ERICH3: variants seen among roughly 807,000 people sequenced by gnomAD.
The protein encoded by ERICH3 is glutamate-rich protein 3.
In ERICH3, 126 loss-of-function variants were observed where a neutral mutation model predicts 131.1. That is an observed-to-expected ratio of 0.96 (90% CI 0.83 to 1.11). The LOEUF (loss-of-function observed/expected upper bound fraction) is 1.11. Among genes scored for constraint, ERICH3 ranks in the 50% most tolerant of loss-of-function variants. The pLI, the probability that ERICH3 is intolerant of heterozygous loss-of-function variation, is 0.00. For synonymous variants in ERICH3, 695 were observed against 644.6 expected (o/e 1.08, Z -1.18); for missense variants, 2,050 against 1,810.7 (o/e 1.13, Z -2.40).
chr1:74,575,971 T>A (rs980573441), intron 13 of ERICH3, among the ~76,000 whole-genome samples: 4 of 152,160 alleles, frequency 2.6e-5, no homozygotes, highest in African/African-American at 7.2e-5. Context: ...ATATTTAATA[T>A]AAGAGAGCAA....
chr1:74,631,979 C>T, intron 6 of ERICH3, 51 bp from the exon 7 acceptor site: 1 of 1,489,532 alleles, frequency 6.7e-7, no homozygotes. Context: ...ATCAGTGACT[C>T]AATGTAACCC....
intron 1 of ERICH3, among the ~76,000 whole-genome samples, 196 bp from the exon 2 acceptor site, chr1:74,649,511 T>G (rs1570907517): frequency 6.6e-6 from 1 of 152,256 alleles, no homozygotes; most frequent in Non-Finnish European, 1.5e-5. Context: ...AAAATCGTCC[T>G]GATTTTAATT....
intron 1 of ERICH3, among the ~76,000 whole-genome samples, chr1:74,659,632 G>C (rs1186602075): frequency 6.6e-6 from 1 of 152,186 alleles, no homozygotes; most frequent in Admixed American, 6.5e-5. Flanking sequence ...GTGAAGTATA[G>C]TGTGCTACAA....
At chr1:74,583,067 T>A (rs942944267) in intron 12 of ERICH3, among the ~76,000 whole-genome samples, 1 of 152,194 alleles carries the variant, frequency 6.6e-6, no homozygotes, top group Non-Finnish European at 1.5e-5. Flanking sequence ...CCACAGTATT[T>A]CTGTCCTGTA....
chr1:74,655,139 C>T (rs1003922879), intron 1 of ERICH3, among the ~76,000 whole-genome samples: 1 of 152,116 alleles, frequency 6.6e-6, no homozygotes, highest in African/African-American at 2.4e-5. Flanking sequence ...CTGCTTTGCA[C>T]TAAAAATTTC....
Position 74,589,849 on chromosome 1 carries a change from T to C in ERICH3, c.1958A>G (p.Asp653Gly). The C allele has an allele frequency of 1.2e-6, 2 of 1,614,090 alleles. No individual in the cohort carries two copies. Among genetic ancestry groups the C allele is most frequent in the Non-Finnish European group, 1.7e-6 (2 of 1,179,984 alleles). ...TATTGGCATCGGCTTGGTCTCCACA[T>C]CTGCTTTTGTTATTTCTTGGTCTTC... ...EIEDQEITKA[D>G]VETKPMPIDE... The change falls in exon 12 of 15, where the codon GAT (aspartate) becomes GGT (glycine). Residue 653 changes from aspartate (D) to glycine (G), a missense_variant. By Grantham distance (94) the Asp-to-Gly change is moderately conservative. Transcript: ENST00000326665.
chr1:74,666,814 C>G (rs577161698), intron 1 of ERICH3, among the ~76,000 whole-genome samples: 1 of 152,260 alleles, frequency 6.6e-6, no homozygotes, highest in African/African-American at 2.4e-5. Context: ...ACTTATTTAA[C>G]CCATGAAGTG....
chr1:74,649,192 A>G (rs1362587535), intron 2 of ERICH3, 30 bp downstream of exon 2: 6 of 1,468,634 alleles, frequency 4.1e-6, no homozygotes, highest in Non-Finnish European at 4.7e-6. Context: ...ATGAAACAAG[A>G]AGGTCAGTGG....
intron 1 of ERICH3, among the ~76,000 whole-genome samples, chr1:74,665,720 C>T (rs1323394960): frequency 2.0e-5 from 3 of 152,098 alleles, no homozygotes; most frequent in African/African-American, 7.2e-5. Flanking sequence ...CTTATGAAGA[C>T]ACCAGTCACA....
At chr1:74,588,925 G>A (rs1647458905) in intron 12 of ERICH3, among the ~76,000 whole-genome samples, 1 of 152,122 alleles carries the variant, frequency 6.6e-6, no homozygotes, top group African/African-American at 2.4e-5. Context: ...AACTCAAAGG[G>A]AAGTTTGGAA....
In ERICH3 at chr1:74,569,001, A is replaced by G. The variant is rs979649534; in HGVS notation, c.*1457T>C. 6.6e-6 allele frequency: 1 copy of G among 152,140 alleles called. No individual in the cohort carries two copies. The highest frequency in any genetic ancestry group is 1.5e-5 in the Non-Finnish European group (1 of 68,006). The allele number at this position is 152,140 out of a possible 1,614,324, so 9.4% of individuals were successfully genotyped here. ...CTTCTGATCAAGGGACCAGTCTACT[A>G]TCTGGTCCAGTGTATTTTTGATCAT... is the stretch of plus-strand genomic sequence containing the variant. On this transcript the variant is annotated 3_prime_UTR_variant, in exon 15 of 15. Coordinates refer to ENST00000326665, the MANE Select transcript of ERICH3 (RefSeq NM_001002912.5).
intron 3 of ERICH3, 103 bp downstream of exon 3, chr1:74,646,564 A>T: frequency 2.7e-6 from 2 of 729,762 alleles, no homozygotes; most frequent in Non-Finnish European, 4.0e-6. Flanking sequence ...CATATTAGAC[A>T]AAATCAATTA....
chr1:74,602,709 A>G (rs1648199029), intron 10 of ERICH3, among the ~76,000 whole-genome samples: 1 of 151,980 alleles, frequency 6.6e-6, no homozygotes, highest in Non-Finnish European at 1.5e-5. Flanking sequence ...AGGTATCATG[A>G]GTATAAAGTA....
chr1:74,591,648 A>C (rs537744240), intron 11 of ERICH3, among the ~76,000 whole-genome samples: 2 of 152,294 alleles, frequency 1.3e-5, no homozygotes, highest in South Asian at 4.1e-4. Flanking sequence ...TACGGTAGCC[A>C]CAGCTGGTTT....
At position 74,599,912 on chromosome 1, in the gene ERICH3, T is replaced by A. The variant is rs959907710; in HGVS notation, c.1509A>T (p.Glu503Asp). 2 of 1,609,850 alleles carry A rather than the reference T, an allele frequency of 1.2e-6. No individual in the cohort carries two copies. The highest frequency in any genetic ancestry group is 1.7e-6 in the Non-Finnish European group (2 of 1,177,952). Residue 503 changes from glutamate (E) to aspartate (D), a missense_variant, in exon 11 of 15, where the codon GAA becomes GAT. Glu to Asp is a conservative substitution (Grantham distance 45). Transcript: ENST00000326665. ...TLKYEYEEDFEVDEEKQGEKS... is the reference protein window; with the variant it reads ...TLKYEYEEDFDVDEEKQGEKS... ...TTTCACCTTGTTTCTCCTCATCTAC[T>A]TCAAAGTCTTCTTCATACTCTGAAA...
chr1:74,629,566 G>A (rs1029099472), intron 7 of ERICH3, among the ~76,000 whole-genome samples: 2 of 152,064 alleles, frequency 1.3e-5, no homozygotes, highest in African/African-American at 4.8e-5. Flanking sequence ...GGATGAAGAG[G>A]CTGCTGCTCC....
intron 1 of ERICH3, among the ~76,000 whole-genome samples, chr1:74,662,005 T>G (rs1646646575): frequency 1.3e-5 from 2 of 152,180 alleles, no homozygotes; most frequent in South Asian, 4.1e-4. Context: ...CAGTTGGAAT[T>G]TATTCATTCG....
chr1:74,603,495 T>C (rs185428424), intron 10 of ERICH3, among the ~76,000 whole-genome samples: 1 of 152,016 alleles, frequency 6.6e-6, no homozygotes, highest in Admixed American at 6.6e-5. Flanking sequence ...ATTATTGTTG[T>C]TATTGCTGCT....
At chr1:74,661,782 A>C (rs1646643940) in intron 1 of ERICH3, among the ~76,000 whole-genome samples, 1 of 152,188 alleles carries the variant, frequency 6.6e-6, no homozygotes, top group Non-Finnish European at 1.5e-5. Flanking sequence ...TTTTGAAGGA[A>C]GAAAATAAGA....
Sources: allele counts gnomAD v4.1 joint callset (sites outside exome capture counted in the v4.1 genomes callset), GRCh38; gene constraint gnomAD v4.1.1; transcripts MANE v1.5; gene names NCBI Gene and HGNC (gene_info 2026-07-23, HGNC 2026-07-21).